TXNRD1: variants seen among roughly 807,000 people sequenced by gnomAD.
The protein encoded by TXNRD1 is thioredoxin reductase 1, cytoplasmic.
A neutral mutation model predicts 80.3 loss-of-function variants in TXNRD1; 57 were observed. The observed-to-expected ratio is 0.71, with a 90% CI of 0.57 to 0.89. TXNRD1 has a LOEUF of 0.89. Ranked by LOEUF, TXNRD1 falls within the 40% of genes least tolerant of loss-of-function variation. TXNRD1 has a pLI of 0.00. For synonymous variants in TXNRD1, 291 were observed against 285.2 expected (o/e 1.02, Z -0.20); for missense variants, 730 against 803.0 (o/e 0.91, Z 1.10).
At chr12:104,324,687 G>C (rs2035694075) in intron 10 of TXNRD1, among the ~76,000 whole-genome samples, 1 of 152,100 alleles carries the variant, frequency 6.6e-6, no homozygotes, top group South Asian at 2.1e-4. Context: ...TAGTCTGTAG[G>C]TTGTTGTTGA....
At chr12:104,271,227 C>T (rs1411274307) in intron 3 of TXNRD1, among the ~76,000 whole-genome samples, 1 of 150,220 alleles carries the variant, frequency 6.7e-6, no homozygotes, top group East Asian at 2.0e-4. Flanking sequence ...GCTCTGTCGC[C>T]CAGGCTAGAG....
At chr12:104,224,490 G>A (rs1453327850) in intron 1 of TXNRD1, among the ~76,000 whole-genome samples, 3 of 152,100 alleles carry the variant, frequency 2.0e-5, no homozygotes, top group African/African-American at 7.2e-5. Context: ...CCAGGTTGAG[G>A]CAATTCTTCT....
At chr12:104,303,865 A>C in intron 4 of TXNRD1, 1 of 1,472,380 alleles carries the variant, frequency 6.8e-7, no homozygotes, top group Non-Finnish European at 8.9e-7. Flanking sequence ...AAGAGAAAGG[A>C]GAGGAGCAGC....
chr12:104,259,676 A>AG (rs1169062912), intron 3 of TXNRD1, among the ~76,000 whole-genome samples: 41 of 151,744 alleles, frequency 2.7e-4, no homozygotes, highest in African/African-American at 9.4e-4. Context: ...TTTTTAGTAG[A>AG]GATGGGGTTT....
intron 16 of TXNRD1, among the ~76,000 whole-genome samples, chr12:104,343,725 C>T (rs1348783037): frequency 6.6e-6 from 1 of 152,082 alleles, no homozygotes; most frequent in African/African-American, 2.4e-5. Flanking sequence ...CACTTGAACC[C>T]AGGAGGCAGA....
intron 16 of TXNRD1, among the ~76,000 whole-genome samples, chr12:104,343,718 T>A (rs2036400324): frequency 6.6e-6 from 1 of 152,054 alleles, no homozygotes; most frequent in African/African-American, 2.4e-5. Flanking sequence ...CAAGAATCAC[T>A]TGAACCCAGG....
chr12:104,342,784 G>T (rs1005700029), intron 16 of TXNRD1, among the ~76,000 whole-genome samples: 5 of 152,196 alleles, frequency 3.3e-5, no homozygotes, highest in Non-Finnish European at 1.5e-5. Context: ...CTAAAGCAGG[G>T]AGTAATATGA....
In TXNRD1 at chr12:104,349,122, T is replaced by C. The variant is rs1565921177; in HGVS notation, c.*701T>C. 6.6e-6 allele frequency: 1 copy of C among 152,250 alleles called. No homozygotes were observed. Among genetic ancestry groups the C allele is most frequent in the Non-Finnish European group, 1.5e-5 (1 of 68,056 alleles). 9.4% of individuals were successfully genotyped at this position (152,250 alleles called of 1,614,324 possible). On this transcript the variant is annotated 3_prime_UTR_variant, in exon 17 of 17. Coordinates refer to ENST00000525566, the MANE Select transcript of TXNRD1 (RefSeq NM_001093771.3). ...TTTAAGGTCTGTTTAGGAAGGGAAATGGCTACTTGGCCAGCCATTGCCTGG... is the reference window on the plus strand; with the variant it reads ...TTTAAGGTCTGTTTAGGAAGGGAAACGGCTACTTGGCCAGCCATTGCCTGG...
chr12:104,229,152 T>C (rs2135681170), intron 1 of TXNRD1, among the ~76,000 whole-genome samples: 1 of 148,176 alleles, frequency 6.7e-6, no homozygotes, highest in Middle Eastern at 3.4e-3. Flanking sequence ...TTCTTTTTTT[T>C]TTTTTTTTTT....
intron 3 of TXNRD1, among the ~76,000 whole-genome samples, chr12:104,274,718 T>A (rs894428183): frequency 3.6e-5 from 5 of 138,390 alleles, no homozygotes; most frequent in Non-Finnish European, 7.8e-5. Flanking sequence ...AAATTAATAA[T>A]AAAAAAAATA....
intron 1 of TXNRD1, among the ~76,000 whole-genome samples, chr12:104,249,125 G>A (rs2033057796): frequency 6.6e-6 from 1 of 152,234 alleles, no homozygotes; most frequent in Non-Finnish European, 1.5e-5. Flanking sequence ...ATTTCTTACA[G>A]TTCTGTGGCC....
intron 11 of TXNRD1, among the ~76,000 whole-genome samples, chr12:104,325,663 A>G (rs1172393803): frequency 2.0e-5 from 3 of 152,152 alleles, no homozygotes; most frequent in African/African-American, 7.2e-5. Flanking sequence ...CACGAGGTCA[A>G]GGGATCGGGA....
intron 3 of TXNRD1, among the ~76,000 whole-genome samples, chr12:104,286,510 G>C (rs1446688694): frequency 2.0e-5 from 3 of 151,942 alleles, no homozygotes; most frequent in Admixed American, 2.0e-4. Flanking sequence ...TTCCTTTAGG[G>C]AACTGCCAAA....
intron 1 of TXNRD1, among the ~76,000 whole-genome samples, chr12:104,223,765 G>A (rs1465742916): frequency 6.6e-6 from 1 of 152,220 alleles, no homozygotes; most frequent in Non-Finnish European, 1.5e-5. Flanking sequence ...CTGAGAGGCA[G>A]CTGAAGGTGG....
intron 13 of TXNRD1, among the ~76,000 whole-genome samples, chr12:104,330,117 A>AT (rs921643407): frequency 5.2e-4 from 79 of 151,206 alleles, no homozygotes; most frequent in South Asian, 3.8e-3. Context: ...GGTTCTATGT[A>AT]TTTTTTTTTA....
intron 16 of TXNRD1, among the ~76,000 whole-genome samples, chr12:104,341,512 GCACTGGGGTGCCA>G (rs963797496): frequency 5.9e-5 from 9 of 152,168 alleles, no homozygotes; most frequent in African/African-American, 1.9e-4. Context: ...AGTGCTGGAG[GCACTGGGGTGCCA>G]CATTTGTGGT....
intron 4 of TXNRD1, among the ~76,000 whole-genome samples, chr12:104,289,794 G>A (rs904886831): frequency 5.9e-5 from 9 of 151,788 alleles, no homozygotes; most frequent in Admixed American, 1.3e-4. Flanking sequence ...GTGCAGTGGC[G>A]TGATCTTGTA....
chr12:104,334,109 AT>A, intron 14 of TXNRD1, 127 bp from the exon 15 acceptor site: 1 of 426,210 alleles, frequency 2.3e-6, no homozygotes, highest in Non-Finnish European at 4.1e-6. Context: ...ATTCCTATTT[AT>A]TCCATGAATT....
chr12:104,238,501 T>TA (rs34217773), intron 1 of TXNRD1, among the ~76,000 whole-genome samples: 9 of 151,120 alleles, frequency 6.0e-5, no homozygotes, highest in East Asian at 5.8e-4. Flanking sequence ...TTTACAGCCT[T>TA]AAAAAAAAAG....
Sources: allele counts gnomAD v4.1 joint callset (sites outside exome capture counted in the v4.1 genomes callset), GRCh38; gene constraint gnomAD v4.1.1; transcripts MANE v1.5; gene names NCBI Gene and HGNC (gene_info 2026-07-23, HGNC 2026-07-21).